Variants in CNTN1 observed in about 807,000 individuals in gnomAD.
The protein encoded by CNTN1 is contactin-1.
CNTN1 carries 38 observed loss-of-function variants against 126.4 expected under a neutral mutation model. The ratio of observed to expected loss-of-function variants is 0.30; its 90% CI spans 0.23 to 0.39. The LOEUF is 0.39. Ranked by LOEUF, CNTN1 falls within the 10% of genes least tolerant of loss-of-function variation. The pLI, the probability that CNTN1 is intolerant of heterozygous loss-of-function variation, is 1.00. For missense variants in CNTN1, 1,009 were observed against 1,248.4 expected (o/e 0.81, Z 2.89); for synonymous variants, 413 against 422.6 (o/e 0.98, Z 0.28).
chr12:40,972,188 G>T (rs1393176877), intron 15 of CNTN1: 11 of 985,204 alleles, frequency 1.1e-5, no homozygotes, highest in African/African-American at 1.7e-5. Context: ...GCCATTAACA[G>T]CATGCATTCA....
intron 1 of CNTN1, among the ~76,000 whole-genome samples, chr12:40,908,052 G>T (rs1174725597): frequency 6.6e-6 from 1 of 152,184 alleles, no homozygotes; most frequent in Non-Finnish European, 1.5e-5. Context: ...CAGAGGAAAA[G>T]AAACCTAAAC....
intron 3 of CNTN1, among the ~76,000 whole-genome samples, chr12:40,916,908 A>G (rs1338666738): frequency 6.6e-6 from 1 of 152,006 alleles, no homozygotes; most frequent in Non-Finnish European, 1.5e-5. Context: ...TCCTATCTGA[A>G]ATAGGATGGT....
At chr12:40,877,082 T>C (rs924530391) in intron 1 of CNTN1, among the ~76,000 whole-genome samples, 19 of 152,152 alleles carry the variant, frequency 1.2e-4, no homozygotes, top group Admixed American at 4.6e-4. Flanking sequence ...AACTTTCCTG[T>C]TTGTGAGCTT....
chr12:41,068,269 A>G (rs1187259368), intron 23 of CNTN1, among the ~76,000 whole-genome samples: 1 of 152,168 alleles, frequency 6.6e-6, no homozygotes, highest in Admixed American at 6.5e-5. Context: ...TGTTGTAGTC[A>G]TGTCATAATC....
chr12:40,803,166 T>C (rs747473859), intron 1 of CNTN1, among the ~76,000 whole-genome samples: 1 of 151,996 alleles, frequency 6.6e-6, no homozygotes, highest in Non-Finnish European at 1.5e-5. Context: ...GATGTATCTA[T>C]CATGTTGGCT....
At chr12:40,694,023 T>C (rs953620428) in intron 1 of CNTN1, among the ~76,000 whole-genome samples, 1 of 152,236 alleles carries the variant, frequency 6.6e-6, no homozygotes, top group Non-Finnish European at 1.5e-5. Context: ...AGTGTACATA[T>C]GAACCTTACC....
intron 15 of CNTN1, among the ~76,000 whole-genome samples, chr12:40,978,372 C>T (rs933560434): frequency 4.0e-5 from 6 of 151,658 alleles, no homozygotes; most frequent in Admixed American, 1.3e-4. Context: ...GTAAAATTCC[C>T]ACACCAGGGT....
chr12:41,031,392 A>G (rs1592431686), intron 23 of CNTN1, among the ~76,000 whole-genome samples: 1 of 152,178 alleles, frequency 6.6e-6, no homozygotes, highest in Admixed American at 6.6e-5. Context: ...TATAATAAGA[A>G]CCTAAAAAAC....
intron 1 of CNTN1, among the ~76,000 whole-genome samples, chr12:40,814,850 G>A (rs1046949541): frequency 7.9e-5 from 12 of 152,046 alleles, no homozygotes; most frequent in South Asian, 2.1e-4. Flanking sequence ...TATTCCATTC[G>A]TTTGTGTCCT....
chr12:40,798,553 A>G (rs546838655), intron 1 of CNTN1, among the ~76,000 whole-genome samples: 1 of 152,072 alleles, frequency 6.6e-6, no homozygotes, highest in East Asian at 1.9e-4. Flanking sequence ...TCTACCACTC[A>G]GCCATTAAAA....
chr12:40,949,479 T>C (rs1045960688), intron 14 of CNTN1, among the ~76,000 whole-genome samples: 8 of 135,562 alleles, frequency 5.9e-5, no homozygotes, highest in African/African-American at 2.2e-4. Flanking sequence ...CCTGTGTCCA[T>C]GTGATCTCAT....
chr12:40,975,755 T>C (rs1293252307), intron 15 of CNTN1, among the ~76,000 whole-genome samples: 2 of 152,098 alleles, frequency 1.3e-5, no homozygotes, highest in African/African-American at 4.8e-5. Flanking sequence ...AGGGTAGCAA[T>C]TTGAACACTA....
At chr12:40,917,589 C>G (rs1324531189) in intron 3 of CNTN1, among the ~76,000 whole-genome samples, 1 of 152,134 alleles carries the variant, frequency 6.6e-6, no homozygotes, top group Admixed American at 6.6e-5. Flanking sequence ...CTTTACCTCT[C>G]TCTTAAAAAA....
At chr12:40,941,189 A>C (rs564576289) in intron 12 of CNTN1, among the ~76,000 whole-genome samples, 4 of 152,244 alleles carry the variant, frequency 2.6e-5, no homozygotes, top group African/African-American at 9.6e-5. Flanking sequence ...ATCAAATTGC[A>C]TTATTTCCTT....
At chr12:40,696,470 G>A (rs1483027079) in intron 1 of CNTN1, among the ~76,000 whole-genome samples, 1 of 152,180 alleles carries the variant, frequency 6.6e-6, no homozygotes, top group East Asian at 1.9e-4. Context: ...CAATTTATAA[G>A]TCTATCTGCT....
At chr12:40,759,748 C>T (rs1438442932) in intron 1 of CNTN1, among the ~76,000 whole-genome samples, 1 of 149,308 alleles carries the variant, frequency 6.7e-6, no homozygotes, top group Non-Finnish European at 1.5e-5. Flanking sequence ...GGATTACAGG[C>T]GTGAGCCACC....
chr12:40,933,928 G>C lies in CNTN1; in HGVS notation c.985+50G>C, dbSNP rs957776849. ...ATAAATTTCATCAGTATCTTATTTAGAGCCATTTCCATACATGAAAAACTA... is the reference window on the plus strand; with the variant it reads ...ATAAATTTCATCAGTATCTTATTTACAGCCATTTCCATACATGAAAAACTA... On this transcript the variant is annotated intron_variant, in intron 9 of 23. Coordinates refer to ENST00000551295, the MANE Select transcript of CNTN1 (RefSeq NM_001843.4). The C allele has an allele frequency of 7.6e-6, 11 of 1,448,292 alleles. No individual in the cohort carries two copies. In the African/African-American group the frequency reaches 1.3e-4, roughly 17 times the overall value. The allele number at this position is 1,448,292 out of a possible 1,614,324, so 89.7% of individuals were successfully genotyped here.
intron 23 of CNTN1, among the ~76,000 whole-genome samples, chr12:41,052,960 A>G (rs1368531732): frequency 1.3e-5 from 2 of 151,920 alleles, no homozygotes; most frequent in Non-Finnish European, 2.9e-5. Context: ...AATAAAATGG[A>G]CACAAGAAGA....
In CNTN1 at chr12:40,830,619, AG is replaced by A. The variant is rs1249961893; in HGVS notation, c.-76-77735del. On this transcript the variant is annotated intron_variant, in intron 1 of 23. Coordinates refer to ENST00000551295, the MANE Select transcript of CNTN1 (RefSeq NM_001843.4). ...ATAATTTCTTTAAAAATAAATTTTA[AG>A]GGTGACTTAGAGTGAGAAATAATTG... 3.3e-5 allele frequency among the ~76,000 whole-genome samples: 5 copies of A among 150,684 alleles called. No individual in the cohort carries two copies. The East Asian group carries it at 9.7e-4, about 29-fold the overall frequency.
Sources: gnomAD v4.1 joint callset for allele counts (sites outside exome capture counted in the v4.1 genomes callset) on GRCh38, gnomAD v4.1.1 for gene constraint, MANE v1.5 for transcripts, NCBI Gene and HGNC (gene_info 2026-07-23, HGNC 2026-07-21) for gene names.